The following CACNA2D3 variants were observed in gnomAD, a reference collection of about 807,000 sequenced individuals.
CACNA2D3 encodes calcium voltage-gated channel auxiliary subunit alpha2delta 3.
In CACNA2D3, 60 loss-of-function variants were observed where a neutral mutation model predicts 160.6. The observed-to-expected ratio is 0.37, with a 90% CI of 0.30 to 0.46. CACNA2D3 has a LOEUF of 0.46. Among genes scored for constraint, CACNA2D3 ranks in the 20% least tolerant of loss-of-function variants. The pLI is 1.00. For missense variants in CACNA2D3, 1,205 were observed against 1,365.0 expected (o/e 0.88, Z 1.85); for synonymous variants, 558 against 492.9 (o/e 1.13, Z -1.75).
intron 3 of CACNA2D3, among the ~76,000 whole-genome samples, chr3:54,358,706 C>T (rs1426373170): frequency 2.0e-5 from 3 of 152,180 alleles, no homozygotes; most frequent in Non-Finnish European, 4.4e-5. Context: ...TTTGTAATTC[C>T]TATTATGGTA....
At chr3:54,754,831 G>A (rs542170272) in intron 12 of CACNA2D3, among the ~76,000 whole-genome samples, 29 of 152,256 alleles carry the variant, frequency 1.9e-4, no homozygotes, top group South Asian at 6.2e-4. Flanking sequence ...CTAAGACAAA[G>A]TTGTTTTAGG....
At position 54,689,553 on chromosome 3, in the gene CACNA2D3, C is replaced by T. The variant is rs376529747; in HGVS notation, c.1167+47312C>T. On this transcript the variant is annotated intron_variant, in intron 11 of 37. Transcript: ENST00000474759. ...CAAAGTTCAGCTCCTCAACTACCTC[C>T]CCAACTGGTTCTTCCCTCAGCCACC... Among the ~76,000 whole-genome samples the T allele has an allele frequency of 6.6e-5, 10 of 152,250 alleles. 1 individual carries two copies. Among genetic ancestry groups the T allele is most frequent in the African/African-American group, 2.4e-4 (10 of 41,534 alleles).
intron 11 of CACNA2D3, among the ~76,000 whole-genome samples, chr3:54,650,688 C>G (rs930178039): frequency 6.6e-6 from 1 of 152,066 alleles, no homozygotes; most frequent in Non-Finnish European, 1.5e-5. Context: ...TTTTATAGAG[C>G]TGGGGTTTCA....
At chr3:54,326,393 G>A (rs559487387) in intron 3 of CACNA2D3, among the ~76,000 whole-genome samples, 1 of 152,150 alleles carries the variant, frequency 6.6e-6, no homozygotes, top group East Asian at 1.9e-4. Context: ...GTTTTTATGG[G>A]AATATATACA....
At chr3:55,057,486 C>T (rs1242824608) in intron 35 of CACNA2D3, among the ~76,000 whole-genome samples, 1 of 152,044 alleles carries the variant, frequency 6.6e-6, no homozygotes, top group East Asian at 1.9e-4. Flanking sequence ...AAGATAATGG[C>T]AATAGCTAAC....
At chr3:54,246,163 G>A (rs889184870) in intron 2 of CACNA2D3, among the ~76,000 whole-genome samples, 1 of 152,136 alleles carries the variant, frequency 6.6e-6, no homozygotes, top group African/African-American at 2.4e-5. Context: ...GAAATGGCTC[G>A]AAGGAAAAAT....
chr3:54,944,098 C>T (rs1244989920), intron 27 of CACNA2D3, among the ~76,000 whole-genome samples: 2 of 152,112 alleles, frequency 1.3e-5, no homozygotes, highest in African/African-American at 2.4e-5. Flanking sequence ...TTTAGGAAGT[C>T]TGATATCATA....
At chr3:54,467,624 G>A (rs1382856322) in intron 4 of CACNA2D3, among the ~76,000 whole-genome samples, 1 of 152,132 alleles carries the variant, frequency 6.6e-6, no homozygotes, top group African/African-American at 2.4e-5. Flanking sequence ...AATAAGCCAG[G>A]CACATAAGGA....
At chr3:54,190,870 G>A (rs895454199) in intron 2 of CACNA2D3, among the ~76,000 whole-genome samples, 1 of 152,060 alleles carries the variant, frequency 6.6e-6, no homozygotes, top group South Asian at 2.1e-4. Context: ...ATGTGATCTT[G>A]GATAAAAGAC....
intron 14 of CACNA2D3, among the ~76,000 whole-genome samples, chr3:54,836,392 A>T (rs563561689): frequency 5.3e-5 from 8 of 150,966 alleles, no homozygotes. Flanking sequence ...CTGCCACCAC[A>T]CCTGGCTAAT....
At chr3:54,508,365 G>C (rs546198766) in intron 5 of CACNA2D3, among the ~76,000 whole-genome samples, 2 of 152,274 alleles carry the variant, frequency 1.3e-5, no homozygotes, top group African/African-American at 4.8e-5. Flanking sequence ...GGCCTGGTTT[G>C]GAGAAAATCC....
chr3:54,760,419 G>A (rs543647902), intron 12 of CACNA2D3, among the ~76,000 whole-genome samples: 1 of 152,240 alleles, frequency 6.6e-6, no homozygotes, highest in Non-Finnish European at 1.5e-5. Flanking sequence ...AGATGGCAGG[G>A]ATGAGGTCAC....
rs563109374 is a variant in CACNA2D3 at position 54,840,446 on chromosome 3, T to A, written c.1551+1798T>A. 1.2e-3 allele frequency among the ~76,000 whole-genome samples: 164 copies of A among 137,580 alleles called. 1 individual carries two copies. Among genetic ancestry groups the A allele is most frequent in the African/African-American group, 4.1e-3 (151 of 36,654 alleles). 90.3% of individuals were successfully genotyped at this position (137,580 alleles called of 152,430 possible). A position where few individuals can be genotyped will look rare whatever the true frequency, so the allele number is the denominator to read the frequency against. ...TTTTTTTTGAGATGGACTCTCACTC[T>A]GTGGCCCAGGCTGGAGTGCAGTGGC... On this transcript the variant is annotated intron_variant, in intron 16 of 37. Coordinates refer to ENST00000474759, the MANE Select transcript of CACNA2D3 (RefSeq NM_018398.3).
intron 2 of CACNA2D3, among the ~76,000 whole-genome samples, chr3:54,225,672 T>A (rs1701657478): frequency 6.6e-6 from 1 of 152,228 alleles, no homozygotes; most frequent in Admixed American, 6.5e-5. Flanking sequence ...AATTATTTGG[T>A]GAAATTTACA....
intron 4 of CACNA2D3, among the ~76,000 whole-genome samples, chr3:54,454,804 A>T (rs1222107956): frequency 1.3e-5 from 2 of 151,956 alleles, no homozygotes; most frequent in Non-Finnish European, 2.9e-5. Flanking sequence ...CTTATATGGG[A>T]TCAACTTTTT....
At chr3:54,429,270 T>TAA (rs5851256) in intron 4 of CACNA2D3, among the ~76,000 whole-genome samples, 3 of 151,598 alleles carry the variant, frequency 2.0e-5, no homozygotes, top group African/African-American at 7.3e-5. Flanking sequence ...TTTAATCAAC[T>TAA]AAAAAAAAAT....
intron 11 of CACNA2D3, among the ~76,000 whole-genome samples, chr3:54,706,740 G>C (rs71619809): frequency 6.6e-6 from 1 of 152,202 alleles, no homozygotes; most frequent in Admixed American, 6.5e-5. Context: ...GGAGCAGTGG[G>C]AGGCTGCGTG....
At chr3:54,626,374 T>G in intron 9 of CACNA2D3, 1 of 1,564,202 alleles carries the variant, frequency 6.4e-7, no homozygotes, top group Non-Finnish European at 8.7e-7. Flanking sequence ...GAAGCAGCAC[T>G]CCCTGCTGAA....
chr3:54,318,183 T>C (rs1204215425), intron 2 of CACNA2D3, among the ~76,000 whole-genome samples: 1 of 152,152 alleles, frequency 6.6e-6, no homozygotes, highest in East Asian at 1.9e-4. Context: ...CTGTCCTTGC[T>C]TCCAGGGCCA....
Sources: gnomAD v4.1 joint callset for allele counts (sites outside exome capture counted in the v4.1 genomes callset) on GRCh38, gnomAD v4.1.1 for gene constraint, MANE v1.5 for transcripts, NCBI Gene and HGNC (gene_info 2026-07-23, HGNC 2026-07-21) for gene names.